Variants in GALNT14 observed in about 807,000 individuals in gnomAD.
GALNT14 encodes UDP-GalNAc:polypeptide N-acetylgalactosaminyltransferase 14.
Under a neutral mutation model 77.5 loss-of-function variants are expected in GALNT14, and 60 were observed. That is an observed-to-expected ratio of 0.77 (90% CI 0.63 to 0.96). The LOEUF (loss-of-function observed/expected upper bound fraction) is 0.96. Ranked by LOEUF, GALNT14 falls within the 40% of genes least tolerant of loss-of-function variation. The probability of loss-of-function intolerance (pLI) is 0.00; values close to 1 mark genes in which losing one functional copy is unlikely to be tolerated. For missense variants in GALNT14, 710 were observed against 731.0 expected, an observed-to-expected ratio of 0.97 and a Z score of 0.33; for synonymous variants, 280 against 281.7, an observed-to-expected ratio of 0.99 and a Z score of 0.06.
At chr2:31,040,905 G>A (rs1422673440) in intron 1 of GALNT14, among the ~76,000 whole-genome samples, 4 of 152,274 alleles carry the variant, frequency 2.6e-5, no homozygotes, top group South Asian at 2.1e-4. Flanking sequence ...CAAACCCGAC[G>A]CCAGAATGCC....
intron 5 of GALNT14, 46 bp downstream of exon 5, chr2:30,955,866 C>T (rs1372452958): frequency 1.9e-6 from 3 of 1,612,226 alleles, no homozygotes; most frequent in Non-Finnish European, 2.5e-6. Context: ...ACCTTCGACC[C>T]CCCGACACTC....
intron 1 of GALNT14, chr2:31,129,649 T>C (rs1678880794): frequency 3.0e-6 from 3 of 985,402 alleles, no homozygotes; most frequent in Non-Finnish European, 2.4e-6. Flanking sequence ...CTGGCATCTA[T>C]TATGCCTGCA....
chr2:31,057,356 G>A (rs1475127871), intron 1 of GALNT14, among the ~76,000 whole-genome samples: 1 of 81,056 alleles, frequency 1.2e-5, no homozygotes, highest in Non-Finnish European at 2.4e-5. Context: ...ATATGTGTGT[G>A]TGTGTGTGTG....
rs559798439 is a variant in GALNT14 at position 31,022,596 on chromosome 2, G to T, written c.130-29589C>A. Among the ~76,000 whole-genome samples the T allele has an allele frequency of 1.3e-4, 20 of 152,328 alleles. No individual in the cohort carries two copies. The East Asian group carries it at 3.9e-3, about 29-fold the overall frequency. On this transcript the variant is annotated intron_variant, in intron 1 of 14. Coordinates refer to ENST00000349752, the MANE Select transcript of GALNT14 (RefSeq NM_024572.4). ...TAGCACATGTGTATGTGGAGCTAAG[G>T]GGGTGCTTCAGGGGGCCCAAGACTG...
chr2:31,061,878 T>C (rs1674614872), intron 1 of GALNT14, among the ~76,000 whole-genome samples: 1 of 152,166 alleles, frequency 6.6e-6, no homozygotes, highest in Non-Finnish European at 1.5e-5. Flanking sequence ...CCACATCTTA[T>C]AACCCTCCCA....
chr2:30,967,532 C>A (rs1320335838), intron 2 of GALNT14, among the ~76,000 whole-genome samples: 2 of 152,102 alleles, frequency 1.3e-5, no homozygotes, highest in Non-Finnish European at 2.9e-5. Context: ...CAGGAGGAGC[C>A]AAAAGTTAGG....
chr2:31,105,411 C>T (rs1573356508), intron 1 of GALNT14, among the ~76,000 whole-genome samples: 1 of 152,162 alleles, frequency 6.6e-6, no homozygotes, highest in African/African-American at 2.4e-5. Context: ...TTAGCCACTT[C>T]TCTGAGGCCC....
In GALNT14 at chr2:30,929,552, A is replaced by G. The variant is rs148183832; in HGVS notation, c.1059-65T>C. 3.3e-6 allele frequency: 4 copies of G among 1,223,498 alleles called. No individual in the cohort carries two copies. The African/African-American group carries it at 4.5e-5, about 14-fold the overall frequency. The allele number at this position is 1,223,498 out of a possible 1,614,324, so 75.8% of individuals were successfully genotyped here. On this transcript the variant is annotated intron_variant, in intron 10 of 14. Transcript: ENST00000349752. The stretch of plus-strand genomic sequence containing the variant: ...CTGTCTGAGAGGCCCTGTGAGTGCC[A>G]GTTAAAATACACATGTGTGGGCTGA...
Position 30,915,057 on chromosome 2 carries a change from G to C in GALNT14, c.1381-2715C>G, listed in dbSNP as rs923719783. ...AATTAGTATTTCAAAAATGAATCCT[G>C]CCATTATCTTACAATCACCATCATA... is the stretch of plus-strand genomic sequence containing the variant. On this transcript the variant is annotated intron_variant, in intron 13 of 14. Transcript: ENST00000349752. Among the ~76,000 whole-genome samples, 6 of 152,188 alleles carry C rather than the reference G, an allele frequency of 3.9e-5. No homozygotes were observed. The East Asian group carries it at 1.2e-3, about 29-fold the overall frequency.
intron 1 of GALNT14, among the ~76,000 whole-genome samples, chr2:31,008,504 C>T (rs1433853909): frequency 2.0e-5 from 3 of 152,168 alleles, no homozygotes. Flanking sequence ...GTGACATCCA[C>T]GTCTCACTCA....
intron 6 of GALNT14, among the ~76,000 whole-genome samples, chr2:30,952,894 C>G (rs1209826494): frequency 6.6e-6 from 1 of 152,164 alleles, no homozygotes; most frequent in Non-Finnish European, 1.5e-5. Flanking sequence ...CATCCCCTGC[C>G]AAGGGGTTTT....
intron 1 of GALNT14, among the ~76,000 whole-genome samples, chr2:31,109,178 G>A (rs1358559564): frequency 1.3e-5 from 2 of 152,164 alleles, no homozygotes; most frequent in Non-Finnish European, 2.9e-5. Context: ...GTTAGTTACT[G>A]TGGCCAAATG....
chr2:31,061,750 T>C (rs969028787), intron 1 of GALNT14, among the ~76,000 whole-genome samples: 3 of 152,204 alleles, frequency 2.0e-5, no homozygotes, highest in Admixed American at 2.0e-4. Context: ...TGTTGGCTCA[T>C]GCTATTTCCC....
the GALNT14 span, among the ~76,000 whole-genome samples, chr2:30,891,179 T>C: frequency 6.6e-6 from 1 of 152,148 alleles, no homozygotes; most frequent in African/African-American, 2.4e-5. Flanking sequence ...CAGACCCCTG[T>C]GAATTAGTAG....
In GALNT14 at chr2:31,037,095, C is replaced by T. The variant is rs544813867; in HGVS notation, c.130-44088G>A. The stretch of plus-strand genomic sequence containing the variant: ...TGTTCTCCCTCCCCTTTCCTTCTGG[C>T]ATGCTTATTATGCATATGTTGGCAT... On this transcript the variant is annotated intron_variant, in intron 1 of 14. Transcript: ENST00000349752. Among the ~76,000 whole-genome samples the T allele has an allele frequency of 2.6e-5, 4 of 152,292 alleles. No individual in the cohort carries two copies. In the South Asian group the frequency reaches 8.3e-4, roughly 32 times the overall value.
intron 9 of GALNT14, among the ~76,000 whole-genome samples, chr2:30,938,200 A>T (rs1350919581): frequency 6.6e-6 from 1 of 151,594 alleles, no homozygotes; most frequent in Non-Finnish European, 1.5e-5. Flanking sequence ...TGCTTTGGAA[A>T]TCCCCCATTT....
intron 1 of GALNT14, among the ~76,000 whole-genome samples, chr2:31,068,507 C>CAAAAA (rs56916863): frequency 1.2e-4 from 12 of 104,276 alleles, no homozygotes; most frequent in Non-Finnish European, 1.4e-4. Context: ...GACCCCGTCT[C>CAAAAA]AAAAAAAAAA....
At chr2:31,031,816 G>A (rs771226692) in intron 1 of GALNT14, among the ~76,000 whole-genome samples, 2 of 152,156 alleles carry the variant, frequency 1.3e-5, no homozygotes, top group Non-Finnish European at 2.9e-5. Context: ...GAGGGGCAGA[G>A]GCTCCCACTT....
At chr2:31,009,653 T>C (rs1670897444) in intron 1 of GALNT14, among the ~76,000 whole-genome samples, 1 of 152,222 alleles carries the variant, frequency 6.6e-6, no homozygotes, top group Non-Finnish European at 1.5e-5. Context: ...TTGCATGGAT[T>C]TCAAATGGAA....
Sources: gnomAD v4.1 joint callset for allele counts (sites outside exome capture counted in the v4.1 genomes callset) on GRCh38, gnomAD v4.1.1 for gene constraint, MANE v1.5 for transcripts, NCBI Gene and HGNC (gene_info 2026-07-23, HGNC 2026-07-21) for gene names.